WDR90: variants seen among roughly 807,000 people sequenced by gnomAD.
The protein encoded by WDR90 is WD repeat-containing protein 90.
In WDR90, 238 loss-of-function variants were observed where a neutral mutation model predicts 195.2. That is an observed-to-expected ratio of 1.22 (90% CI 1.10 to 1.36). WDR90 has a LOEUF of 1.36. Ranked by LOEUF, WDR90 falls within the 40% of genes most tolerant of loss-of-function variation. The pLI is 0.00. For synonymous variants in WDR90, 1,265 were observed against 1,052.4 expected, an observed-to-expected ratio of 1.20 and a Z score of -3.91; for missense variants, 2,734 against 2,439.5, an observed-to-expected ratio of 1.12 and a Z score of -2.54.
rs1193337320 is a variant in WDR90 at position 658,265 on chromosome 16, C to T, written c.2687C>T (p.Ala896Val). 1 of 1,612,648 alleles carries T rather than the reference C, an allele frequency of 6.2e-7. No homozygotes were observed. Among genetic ancestry groups the T allele is most frequent in the African/African-American group, 1.3e-5 (1 of 75,066 alleles). Reference protein sequence around the residue: ...SAMAVCFGPAALGHLLVSTSS... With the variant: ...SAMAVCFGPAVLGHLLVSTSS... ...ATGGCTGTGTGCTTTGGCCCTGCAG[C>T]TCTGGGCCACCTGCTGGTGTCCACC... Residue 896 changes from alanine (A) to valine (V), a missense_variant, in exon 22 of 41, where the codon GCT (alanine) becomes GTT (valine). Transcript: ENST00000293879.
intron 34 of WDR90, 21 bp downstream of exon 34, chr16:662,865 G>A: frequency 6.5e-7 from 1 of 1,541,886 alleles, no homozygotes. Context: ...TCCAGCCTGG[G>A]CAGAGGCGGG....
upstream of WDR90, chr16:649,349 T>C: frequency 5.3e-6 from 7 of 1,319,934 alleles, no homozygotes; most frequent in Non-Finnish European, 6.8e-6. Flanking sequence ...AGCCGTTGCC[T>C]GGCGTCGCGG....
chr16:663,210 G>A (rs9937980), intron 34 of WDR90: 182,717 of 367,592 alleles, frequency 0.5, 51,884 homozygotes, highest in East Asian at 0.98. Flanking sequence ...GGCCAAGGCA[G>A]GTGGATCACC....
At chr16:652,392 G>A (rs1406482209) in intron 9 of WDR90, 75 bp from the exon 10 acceptor site, 11 of 1,504,112 alleles carry the variant, frequency 7.3e-6, no homozygotes, top group African/African-American at 5.6e-5. Flanking sequence ...AGGGGTTGGC[G>A]GGGCTCGGAG....
In WDR90 at chr16:649,751, C is replaced by T. The variant is rs773544773; in HGVS notation, c.11-12C>T. On this transcript the variant is annotated splice_polypyrimidine_tract_variant and intron_variant, in intron 1 of 40. Coordinates refer to ENST00000293879, the MANE Select transcript of WDR90 (RefSeq NM_145294.5). ...GCCGAGTCCCCTGACGCCCGGCGCCCGCTCCCCGCAGCGTGGCAGCACCCG... is the reference window on the plus strand; with the variant it reads ...GCCGAGTCCCCTGACGCCCGGCGCCTGCTCCCCGCAGCGTGGCAGCACCCG... 18 of 1,549,534 alleles carry T rather than the reference C, an allele frequency of 1.2e-5. No homozygotes were observed. The South Asian group carries it at 1.9e-4, about 16-fold the overall frequency.
intron 10 of WDR90, 43 bp downstream of exon 10, chr16:652,578 G>A (rs1328976194): frequency 1.9e-5 from 30 of 1,563,442 alleles, no homozygotes; most frequent in East Asian, 2.3e-5. Flanking sequence ...CTCGTTGGCC[G>A]GCTCGAGCGC....
In WDR90 at chr16:661,711, G is replaced by A. The variant is rs765922297; in HGVS notation, c.3788G>A (p.Gly1263Asp). The A allele has an allele frequency of 1.2e-6, 2 of 1,612,512 alleles. No homozygotes were observed. Among genetic ancestry groups the A allele is most frequent in the South Asian group, 2.2e-5 (2 of 91,072 alleles). ...HGVAFNPWDA[G>D]ELTCVGQGTV... ...GTGGCCTTCAACCCCTGGGACGCCG[G>A]CGAGCTCACCTGTGTGGGCCAGGGC... Residue 1263 changes from glycine to aspartate, a missense_variant, in exon 31 of 41, where the codon GGC (glycine) becomes GAC (aspartate). Gly to Asp is a moderately conservative substitution (Grantham distance 94). Transcript: ENST00000293879.
At position 662,267 on chromosome 16, in the gene WDR90, G is replaced by A. The variant is rs1279886893; in HGVS notation, c.4081G>A (p.Gly1361Arg). The A allele has an allele frequency of 1.9e-6, 3 of 1,586,002 alleles. No individual in the cohort carries two copies. Among genetic ancestry groups the A allele is most frequent in the Non-Finnish European group, 1.7e-6 (2 of 1,167,350 alleles). The change falls in exon 33 of 41, where the codon GGG becomes AGG. Residue 1361 changes from glycine to arginine, a missense_variant. Coordinates refer to ENST00000293879, the MANE Select transcript of WDR90 (RefSeq NM_145294.5). ...GSRLVSGSST[G>R]RLRLWAVGAV... is the part of the protein sequence containing the mutation. ...TCGATTGGTCAGCGGCAGCAGCACGGGGCGGCTGCGCCTGTGGGCCGTGGG... is the reference window on the plus strand; with the variant it reads ...TCGATTGGTCAGCGGCAGCAGCACGAGGCGGCTGCGCCTGTGGGCCGTGGG...
Position 658,947 on chromosome 16 carries a change from C to T in WDR90, c.2947C>T (p.Gln983Ter), listed in dbSNP as rs2037825533. The T allele has an allele frequency of 1.2e-6, 2 of 1,612,910 alleles. No homozygotes were observed. The highest frequency in any genetic ancestry group is 1.1e-5 in the South Asian group (1 of 91,088). Reference sequence around the variant, plus strand: ...GCAGGCTGTGGCCTTCTCTCCTGACCAGCAGCAGGTCCTCAGCGCAGGGGA... The same window carrying T: ...GCAGGCTGTGGCCTTCTCTCCTGACTAGCAGCAGGTCCTCAGCGCAGGGGA... ...PVQAVAFSPD[Q>*]QQVLSAGDAV... The change falls in exon 24 of 41, where the codon CAG becomes TAG. Residue 983 changes from glutamine to a stop codon, truncating the protein, a stop_gained. Transcript: ENST00000293879. LOFTEE classifies it high-confidence loss of function.
At position 665,622 on chromosome 16, in the gene WDR90, C is replaced by T. The variant is rs141255193; in HGVS notation, c.4312-57C>T. ...TGGGGGCTGGAATAGGAAATGCCTGCGTCCCTTTACCCTGCCCAGGGGCCA... is the reference window on the plus strand; with the variant it reads ...TGGGGGCTGGAATAGGAAATGCCTGTGTCCCTTTACCCTGCCCAGGGGCCA... On this transcript the variant is annotated intron_variant, in intron 34 of 40. Coordinates refer to ENST00000293879, the MANE Select transcript of WDR90 (RefSeq NM_145294.5). 2,261 of 1,610,654 alleles carry T rather than the reference C, an allele frequency of 1.4e-3. 30 individuals carry two copies. The East Asian group carries it at 0.021, about 15-fold the overall frequency.
At position 658,937 on chromosome 16, in the gene WDR90, C is replaced by T. The variant is rs564767817; in HGVS notation, c.2937C>T (p.Phe979=). ...CGGAACCCGTGCAGGCTGTGGCCTT[C>T]TCTCCTGACCAGCAGCAGGTCCTCA... is the stretch of plus-strand genomic sequence containing the variant. ...GHSEPVQAVA[F]SPDQQQVLSA... is the part of the protein sequence containing the mutation. Residue 979 remains phenylalanine, a synonymous_variant, in exon 24 of 41, where the codon TTC becomes TTT. Transcript: ENST00000293879. The T allele has an allele frequency of 1.4e-5, 23 of 1,612,830 alleles. No individual in the cohort carries two copies. Among genetic ancestry groups the T allele is most frequent in the Non-Finnish European group, 1.9e-5 (23 of 1,179,990 alleles).
rs1371082395 is a variant in WDR90, at chr16:653,325, C to T, written c.1123-16C>T. The T allele has an allele frequency of 1.1e-5, 17 of 1,506,488 alleles. 1 individual carries two copies. The highest frequency in any genetic ancestry group is 8.8e-5 in the South Asian group (7 of 79,558). The allele number at this position is 1,506,488 out of a possible 1,614,324, so 93.3% of individuals were successfully genotyped here. A position where few individuals can be genotyped will look rare whatever the true frequency, so the allele number is the denominator to read the frequency against. ...GGCGTAGCACCGGTCCTCAGCCCCC[C>T]GCCCCCTTGTGCCAGGCCCTGTGGA... On this transcript the variant is annotated splice_polypyrimidine_tract_variant and intron_variant, in intron 10 of 40. Transcript: ENST00000293879.
rs750033097 is a variant in WDR90 at position 666,509 on chromosome 16, C to CAGCG, written c.4796_4799dup (p.Val1601AlafsTer15). ...CCTATGGCTGGCTGCCAGTGGGGAC[C>CAGCG]AGCGGGTCAGCGTCTGGGCCTCCGA... On this transcript the variant is annotated frameshift_variant, in exon 38 of 41. Transcript: ENST00000293879. LOFTEE classifies it high-confidence loss of function. 6.2e-7 allele frequency: 1 copy of CAGCG among 1,612,754 alleles called. No homozygotes were observed. The highest frequency in any genetic ancestry group is 1.7e-5 in the Admixed American group (1 of 60,008).
At chr16:649,484 G>T in intron 1 of WDR90, 58 bp downstream of exon 1, 1 of 1,284,770 alleles carries the variant, frequency 7.8e-7, no homozygotes, top group Non-Finnish European at 9.8e-7. Context: ...CCGGGGTCCA[G>T]GGTCGGCGGC....
At position 651,697 on chromosome 16, in the gene WDR90, C is replaced by G; in HGVS notation, c.790C>G (p.Pro264Ala). 6.2e-7 allele frequency: 1 copy of G among 1,613,108 alleles called. No individual in the cohort carries two copies. ...PLPCPVASSKPVRFSVSPVVQ... is the reference protein window; with the variant it reads ...PLPCPVASSKAVRFSVSPVVQ... The stretch of plus-strand genomic sequence containing the variant: ...CCCTTGCCCGGTGGCCTCCAGCAAA[C>G]CTGTGCGGTTCAGTGTGTCTCCAGT... The change falls in exon 8 of 41, where the codon CCT becomes GCT. Residue 264 changes from proline to alanine, a missense_variant. Physicochemically the swap from Pro to Ala is conservative, Grantham distance 27 (BLOSUM62 -1). Coordinates refer to ENST00000293879, the MANE Select transcript of WDR90 (RefSeq NM_145294.5).
Position 661,368 on chromosome 16 carries a change from C to T in WDR90, c.3540C>T (p.Ser1180=). 4 of 1,608,842 alleles carry T rather than the reference C, an allele frequency of 2.5e-6. No homozygotes were observed. The highest frequency in any genetic ancestry group is 3.4e-6 in the Non-Finnish European group (4 of 1,179,052). ...AQVLASASGR[S]STTAHCQIRV... ...TCCTGGCCTCTGCCTCGGGCCGAAG[C>T]AGCACGACCGCCCATTGTCAGATCC... The change falls in exon 30 of 41, where the codon AGC becomes AGT. Residue 1180 remains serine (S), a synonymous_variant. Transcript: ENST00000293879.
At chr16:663,113 T>G (rs1283993523) in intron 34 of WDR90, 1 of 615,486 alleles carries the variant, frequency 1.6e-6, no homozygotes, top group Non-Finnish European at 3.0e-6. Context: ...TTTTTTTGTT[T>G]GTTTGTTTTT....
chr16:655,308 A>G lies in WDR90; in HGVS notation c.1558A>G (p.Met520Val), dbSNP rs1367210110. The G allele has an allele frequency of 6.2e-7, 1 of 1,606,344 alleles. No individual in the cohort carries two copies. Among genetic ancestry groups the G allele is most frequent in the African/African-American group, 1.3e-5 (1 of 74,880 alleles). ...FRVTFFDETR[M>V]ASCGQGSVRL... The stretch of plus-strand genomic sequence containing the variant: ...GTGCTCAGTCCTCATTCCTTGCAGG[A>G]TGGCGTCGTGCGGGCAGGGCAGTGT... Residue 520 changes from methionine to valine, a missense_variant and splice_region_variant, in exon 15 of 41, where the codon ATG (methionine) becomes GTG (valine). Physicochemically the swap from Met to Val is conservative, Grantham distance 21. Coordinates refer to ENST00000293879, the MANE Select transcript of WDR90 (RefSeq NM_145294.5).
rs775845476 is a variant in WDR90, at chr16:666,048, C to T, written c.4533C>T (p.Ser1511=). ...GTGACGGCTCCCTGCGCATCTTCAGCGTCTCCCGCACGGCCATGGAGCTCA... is the reference window on the plus strand; with the variant it reads ...GTGACGGCTCCCTGCGCATCTTCAGTGTCTCCCGCACGGCCATGGAGCTCA... ...GYGDGSLRIF[S]VSRTAMELKM... Residue 1511 remains serine, a synonymous_variant, in exon 36 of 41, where the codon AGC becomes AGT. Transcript: ENST00000293879. 68 of 1,606,304 alleles carry T rather than the reference C, an allele frequency of 4.2e-5. No homozygotes were observed. Among genetic ancestry groups the T allele is most frequent in the Middle Eastern group, 3.3e-4 (2 of 6,080 alleles).
Sources: gnomAD v4.1 joint callset for allele counts on GRCh38, gnomAD v4.1.1 for gene constraint, MANE v1.5 for transcripts, NCBI Gene and HGNC (gene_info 2026-07-23, HGNC 2026-07-21) for gene names.